HDAC9: variants seen among roughly 807,000 people sequenced by gnomAD.
The protein encoded by HDAC9 is histone deacetylase 9, also known as MEF-2 interacting transcription repressor (MITR) protein.
HDAC9 carries 41 observed loss-of-function variants against 139.4 expected under a neutral mutation model. The ratio of observed to expected loss-of-function variants is 0.29; its 90% confidence interval spans 0.23 to 0.38. The LOEUF is 0.38. Among genes scored for constraint, HDAC9 ranks in the 10% least tolerant of loss-of-function variants. The pLI is 1.00. For missense variants in HDAC9, 1,147 were observed against 1,297.0 expected, an observed-to-expected ratio of 0.88 and a Z score of 1.78; for synonymous variants, 517 against 476.2, an observed-to-expected ratio of 1.09 and a Z score of -1.12.
chr7:18,403,303 C>A (rs1169861128), intron 1 of HDAC9, among the ~76,000 whole-genome samples: 1 of 152,054 alleles, frequency 6.6e-6, no homozygotes, highest in Admixed American at 6.5e-5. Flanking sequence ...ACGGTAAAGT[C>A]ATCATTACTA....
chr7:18,911,966 T>C (rs995828948), intron 22 of HDAC9, among the ~76,000 whole-genome samples: 1 of 152,058 alleles, frequency 6.6e-6, no homozygotes, highest in African/African-American at 2.4e-5. Flanking sequence ...AGAATGTGTA[T>C]TCTGCAGTTG....
At chr7:18,873,971 C>T (rs1453643255) in intron 21 of HDAC9, among the ~76,000 whole-genome samples, 1 of 150,424 alleles carries the variant, frequency 6.6e-6, no homozygotes, top group Non-Finnish European at 1.5e-5. Context: ...TTGCAAGAGT[C>T]ACCCCCTACC....
chr7:18,956,549 A>G (rs1334209866), intron 24 of HDAC9, among the ~76,000 whole-genome samples: 1 of 152,130 alleles, frequency 6.6e-6, no homozygotes, highest in Non-Finnish European at 1.5e-5. Flanking sequence ...ACCATAAACA[A>G]CAAAGGCCAT....
At chr7:18,388,835 A>G (rs1316248527) in intron 1 of HDAC9, among the ~76,000 whole-genome samples, 1 of 152,100 alleles carries the variant, frequency 6.6e-6, no homozygotes, top group African/African-American at 2.4e-5. Flanking sequence ...AAGCTTTTAT[A>G]TTTATTTTTG....
chr7:18,912,789 T>C (rs1420322128), intron 22 of HDAC9, among the ~76,000 whole-genome samples: 2 of 152,104 alleles, frequency 1.3e-5, no homozygotes, highest in Non-Finnish European at 2.9e-5. Flanking sequence ...TAACAAAAAA[T>C]TAGAGTAATC....
chr7:18,681,345 T>A (rs954206066), intron 12 of HDAC9, among the ~76,000 whole-genome samples: 11 of 152,076 alleles, frequency 7.2e-5, no homozygotes, highest in African/African-American at 2.7e-4. Context: ...TTCTCAATAT[T>A]TTAGCCTTTC....
At chr7:18,116,626 A>G (rs76637305) in intron 1 of HDAC9, among the ~76,000 whole-genome samples, 3,508 of 152,220 alleles carry the variant, frequency 0.023, 140 homozygotes, top group African/African-American at 0.079. Context: ...TATGTATCAA[A>G]TAAAATAATA....
At chr7:18,376,704 C>G (rs1250416584) in intron 1 of HDAC9, among the ~76,000 whole-genome samples, 2 of 151,984 alleles carry the variant, frequency 1.3e-5, no homozygotes, top group African/African-American at 2.4e-5. Flanking sequence ...TTAATAATAA[C>G]CTGGAAACTA....
intron 2 of HDAC9, among the ~76,000 whole-genome samples, chr7:18,222,828 A>C (rs941473748): frequency 6.6e-6 from 1 of 152,172 alleles, no homozygotes; most frequent in African/African-American, 2.4e-5. Context: ...AACAGTATGA[A>C]GAAATACCTC....
intron 2 of HDAC9, among the ~76,000 whole-genome samples, chr7:18,575,234 A>G (rs947248558): frequency 3.3e-5 from 5 of 152,226 alleles, no homozygotes; most frequent in East Asian, 1.9e-4. Context: ...AAAAGATTCA[A>G]CTGTTGGTTA....
upstream of HDAC9, among the ~76,000 whole-genome samples, chr7:18,494,936 C>T (rs900220184): frequency 1.3e-5 from 2 of 151,950 alleles, no homozygotes; most frequent in Non-Finnish European, 2.9e-5. Context: ...ATATAAGCCA[C>T]GGTTTTGTGT....
At chr7:18,163,321 CAACCA>C (rs1787782875) in intron 2 of HDAC9, among the ~76,000 whole-genome samples, 1 of 152,176 alleles carries the variant, frequency 6.6e-6, no homozygotes, top group Non-Finnish European at 1.5e-5. Flanking sequence ...TCTTTAGTCA[CAACCA>C]TGTTTGATAA....
At chr7:18,412,868 A>G (rs1247623469) in intron 1 of HDAC9, among the ~76,000 whole-genome samples, 3 of 152,222 alleles carry the variant, frequency 2.0e-5, no homozygotes, top group Non-Finnish European at 4.4e-5. Flanking sequence ...GTGTAATGAA[A>G]TGGATTATTT....
chr7:18,820,452 T>G (rs1325144929), intron 17 of HDAC9, among the ~76,000 whole-genome samples: 1 of 152,232 alleles, frequency 6.6e-6, no homozygotes, highest in African/African-American at 2.4e-5. Flanking sequence ...CACAGTTTCA[T>G]CAAATCAATG....
At chr7:18,843,190 GA>G (rs1796697006) in intron 21 of HDAC9, among the ~76,000 whole-genome samples, 2 of 152,060 alleles carry the variant, frequency 1.3e-5, no homozygotes, top group South Asian at 4.1e-4. Context: ...TTCTTTCTAA[GA>G]AAAAGGTAAT....
chr7:18,626,609 T>C (rs925528081), intron 6 of HDAC9, among the ~76,000 whole-genome samples: 2 of 152,226 alleles, frequency 1.3e-5, no homozygotes, highest in African/African-American at 4.8e-5. Context: ...CTGTGAATTA[T>C]TCAAGGTTAC....
At chr7:18,594,400 T>A (rs1021680166) in intron 6 of HDAC9, among the ~76,000 whole-genome samples, 1 of 152,046 alleles carries the variant, frequency 6.6e-6, no homozygotes, top group Non-Finnish European at 1.5e-5. Context: ...ACCTCAACCA[T>A]TTACCACAAA....
intron 11 of HDAC9, among the ~76,000 whole-genome samples, chr7:18,659,577 C>T (rs1792471553): frequency 6.6e-6 from 1 of 152,158 alleles, no homozygotes; most frequent in African/African-American, 2.4e-5. Flanking sequence ...TCATAGGCTG[C>T]CCGTGGCATG....
intron 22 of HDAC9, among the ~76,000 whole-genome samples, chr7:18,885,155 G>A (rs73071792): frequency 6.6e-6 from 1 of 152,218 alleles, no homozygotes; most frequent in African/African-American, 2.4e-5. Context: ...CAATGTGGTC[G>A]TAAGGGTGAA....
Sources: gnomAD v4.1 joint callset for allele counts (sites outside exome capture counted in the v4.1 genomes callset) on GRCh38, gnomAD v4.1.1 for gene constraint, MANE v1.5 for transcripts, NCBI Gene and HGNC (gene_info 2026-07-23, HGNC 2026-07-21) for gene names.